The following RBM19 variants were observed in gnomAD, a reference collection of about 807,000 sequenced individuals.
RBM19 encodes RNA binding motif protein 19.
A neutral mutation model predicts 116.8 loss-of-function variants in RBM19; 94 were observed. The ratio of observed to expected loss-of-function variants is 0.80; its 90% confidence interval spans 0.68 to 0.95. The LOEUF is 0.95. RBM19 is among the 40% of genes least tolerant of loss of function. RBM19 has a pLI of 0.00. For synonymous variants in RBM19, 475 were observed against 494.1 expected, an observed-to-expected ratio of 0.96 and a Z score of 0.51; for missense variants, 1,161 against 1,220.7, an observed-to-expected ratio of 0.95 and a Z score of 0.73.
chr12:113,902,424 C>A (rs1003963113), intron 21 of RBM19, among the ~76,000 whole-genome samples: 2 of 151,886 alleles, frequency 1.3e-5, no homozygotes, highest in African/African-American at 4.8e-5. Context: ...CATAGCAAGC[C>A]CTGTCTCTAC....
At chr12:113,914,403 T>C (rs932337619) in intron 21 of RBM19, among the ~76,000 whole-genome samples, 1 of 152,204 alleles carries the variant, frequency 6.6e-6, no homozygotes, top group Admixed American at 6.5e-5. Flanking sequence ...TTCATTTCCA[T>C]AGAGTCATTT....
chr12:113,934,871 G>A (rs1271718390), intron 16 of RBM19, among the ~76,000 whole-genome samples: 2 of 152,004 alleles, frequency 1.3e-5, no homozygotes, highest in African/African-American at 4.8e-5. Context: ...ATATGACCCG[G>A]CCTCATCTTT....
chr12:113,915,230 G>C (rs1882702721), intron 20 of RBM19, 145 bp from the exon 21 acceptor site: 1 of 701,022 alleles, frequency 1.4e-6, no homozygotes, highest in South Asian at 1.7e-5. Context: ...TGAAAGGAGA[G>C]GAAGGCCGTC....
intron 21 of RBM19, among the ~76,000 whole-genome samples, chr12:113,896,866 T>C (rs1443923797): frequency 2.6e-5 from 4 of 152,368 alleles, no homozygotes; most frequent in South Asian, 4.1e-4. Context: ...GATCTTTTCA[T>C]GGCACTCCTA....
At position 113,885,260 on chromosome 12, in the gene RBM19, TC is replaced by T. The variant is rs757625590; in HGVS notation, c.2559-26365del. ...ACATCACCAGCAATGGGACAAATCT[TC>T]GGTATTTCTATGTGAGAATCCTAAC... On this transcript the variant is annotated intron_variant, in intron 21 of 23. Transcript: ENST00000261741. Among the ~76,000 whole-genome samples the T allele has an allele frequency of 1.6e-4, 25 of 152,358 alleles. No homozygotes were observed. The East Asian group carries it at 4.0e-3, about 25-fold the overall frequency.
intron 23 of RBM19, among the ~76,000 whole-genome samples, 165 bp downstream of exon 23, chr12:113,844,503 A>G (rs1876773800): frequency 6.6e-6 from 1 of 151,372 alleles, no homozygotes; most frequent in Non-Finnish European, 1.5e-5. Flanking sequence ...AGGAAGGTGG[A>G]CAGCAGGTCT....
At chr12:113,950,893 C>T (rs938083228) in intron 8 of RBM19, among the ~76,000 whole-genome samples, 2 of 152,068 alleles carry the variant, frequency 1.3e-5, no homozygotes, top group Non-Finnish European at 2.9e-5. Flanking sequence ...CCTTTTCCCT[C>T]CCCCTCTCCA....
intron 21 of RBM19, among the ~76,000 whole-genome samples, chr12:113,902,598 CAAA>C (rs60289889): frequency 2.6e-5 from 3 of 114,920 alleles, no homozygotes; most frequent in Non-Finnish European, 1.7e-5. Flanking sequence ...GACCCAGTCT[CAAA>C]AAAAAAAAAA....
chr12:113,875,922 C>G (rs1029457495), intron 21 of RBM19, among the ~76,000 whole-genome samples: 1 of 152,174 alleles, frequency 6.6e-6, no homozygotes, highest in African/African-American at 2.4e-5. Flanking sequence ...TCCTCACTTC[C>G]TCCTCCTCCA....
rs544840382 is a variant in RBM19 at position 113,835,600 on chromosome 12, G to A, written c.2785+9068C>T. 7.9e-5 allele frequency among the ~76,000 whole-genome samples: 12 copies of A among 152,324 alleles called. No individual in the cohort carries two copies. In the South Asian group the frequency reaches 1.2e-3, roughly 16 times the overall value. On this transcript the variant is annotated intron_variant, in intron 23 of 23. Transcript: ENST00000261741. ...CAAGCAGGCTCCTTCCCTGCTCCTC[G>A]CGAGGCTGGGAGGGTGACTGTTTGC...
chr12:113,820,414 G>T (rs555436358), downstream of RBM19, among the ~76,000 whole-genome samples: 2 of 152,124 alleles, frequency 1.3e-5, no homozygotes, highest in Non-Finnish European at 2.9e-5. Flanking sequence ...AGAGGGAAGA[G>T]GCAGCTCGAG....
chr12:113,843,196 C>G (rs1236483626), intron 23 of RBM19, among the ~76,000 whole-genome samples: 1 of 152,176 alleles, frequency 6.6e-6, no homozygotes, highest in Non-Finnish European at 1.5e-5. Flanking sequence ...CAGAGCTGCA[C>G]CGGTCAGGCG....
chr12:113,881,114 G>A (rs1880088584), intron 21 of RBM19, among the ~76,000 whole-genome samples: 1 of 152,208 alleles, frequency 6.6e-6, no homozygotes, highest in Non-Finnish European at 1.5e-5. Context: ...TGGGTCTGAG[G>A]AGGCAGGAGG....
chr12:113,872,162 C>T (rs1204448271), intron 21 of RBM19, among the ~76,000 whole-genome samples: 35 of 145,146 alleles, frequency 2.4e-4, no homozygotes, highest in East Asian at 2.0e-3. Flanking sequence ...ATGTGGGGAG[C>T]GCCTCTGCCC....
chr12:113,955,691 G>A (rs1033978200), intron 6 of RBM19, among the ~76,000 whole-genome samples: 1 of 152,296 alleles, frequency 6.6e-6, no homozygotes, highest in African/African-American at 2.4e-5. Flanking sequence ...CTAAGTTTCT[G>A]GTAACCTTTA....
chr12:113,870,978 C>A (rs553849689), intron 21 of RBM19, among the ~76,000 whole-genome samples: 9 of 152,302 alleles, frequency 5.9e-5, no homozygotes, highest in East Asian at 3.9e-4. Flanking sequence ...CAGCAGGAGG[C>A]CCCTGCATAT....
At chr12:113,819,729 AC>A (rs1477902507), downstream of RBM19, among the ~76,000 whole-genome samples, 4 of 151,940 alleles carry the variant, frequency 2.6e-5, no homozygotes, top group East Asian at 7.7e-4. Context: ...TCCCAGTTCA[AC>A]CCCCACATGC....
Position 113,918,439 on chromosome 12 carries a change from G to A in RBM19, c.2394C>T (p.Val798=), listed in dbSNP as rs780738224. The A allele has an allele frequency of 9.9e-6, 16 of 1,614,154 alleles. No individual in the cohort carries two copies. In the Admixed American group the frequency reaches 1.3e-4, roughly 13 times the overall value. Residue 798 remains valine, a synonymous_variant, in exon 20 of 24, where the codon GTC becomes GTT. Transcript: ENST00000261741. ...TCACTTCCAGCTTGTGGCCGTCCAC[G>A]ACGTGACCCTAAGAGAGAAGACAAC... ...QKALKQLQGH[V]VDGHKLEVRI... is the part of the protein sequence containing the mutation.
intron 23 of RBM19, among the ~76,000 whole-genome samples, chr12:113,843,515 G>C (rs536725445): frequency 6.6e-6 from 1 of 152,354 alleles, no homozygotes; most frequent in Admixed American, 6.5e-5. Flanking sequence ...GCATGCAAAA[G>C]GCAGAGAAGC....
Sources: allele counts gnomAD v4.1 joint callset (sites outside exome capture counted in the v4.1 genomes callset), GRCh38; gene constraint gnomAD v4.1.1; transcripts MANE v1.5; gene names NCBI Gene and HGNC (gene_info 2026-07-23, HGNC 2026-07-21).